HTR7: variants seen among roughly 807,000 people sequenced by gnomAD.
HTR7 encodes 5-HT-7.
Under a neutral mutation model 34.0 loss-of-function variants are expected in HTR7, and 16 were observed. That is an observed-to-expected ratio of 0.47 (90% CI 0.32 to 0.71). The LOEUF (loss-of-function observed/expected upper bound fraction) is 0.71, where lower values mean the gene tolerates loss of function less well. HTR7 is among the 30% of genes least tolerant of loss of function. The pLI is 0.04. For synonymous variants in HTR7, 265 were observed against 260.2 expected (o/e 1.02, Z -0.18); for missense variants, 504 against 625.5 (o/e 0.81, Z 2.07).
At chr10:90,807,663 A>G (rs1167278153) in intron 1 of HTR7, among the ~76,000 whole-genome samples, 1 of 152,110 alleles carries the variant, frequency 6.6e-6, no homozygotes, top group Admixed American at 6.5e-5. Flanking sequence ...CTCAGCCCGC[A>G]GGCACCCAGG....
At chr10:90,796,246 C>T (rs1000143471) in intron 1 of HTR7, among the ~76,000 whole-genome samples, 1 of 152,024 alleles carries the variant, frequency 6.6e-6, no homozygotes, top group Non-Finnish European at 1.5e-5. Flanking sequence ...GGCTGACAAG[C>T]AATAAATAGA....
intron 2 of HTR7, among the ~76,000 whole-genome samples, chr10:90,747,521 T>C (rs1186259886): frequency 2.0e-5 from 3 of 152,208 alleles, no homozygotes; most frequent in Non-Finnish European, 4.4e-5. Flanking sequence ...TTAGCATAGC[T>C]GTAGTCTTCC....
intron 1 of HTR7, among the ~76,000 whole-genome samples, chr10:90,818,260 T>C (rs1845926843): frequency 6.6e-6 from 1 of 152,208 alleles, no homozygotes; most frequent in Non-Finnish European, 1.5e-5. Context: ...GTGGTCTTGA[T>C]ATAAAAGTGA....
intron 1 of HTR7, among the ~76,000 whole-genome samples, chr10:90,839,719 G>A (rs1354516586): frequency 6.6e-6 from 1 of 151,940 alleles, no homozygotes; most frequent in African/African-American, 2.4e-5. Context: ...ATTTTGCAGG[G>A]GTCCTTAAGA....
At chr10:90,840,162 TTC>T (rs753030195) in intron 1 of HTR7, among the ~76,000 whole-genome samples, 46 of 138,824 alleles carry the variant, frequency 3.3e-4, no homozygotes, top group African/African-American at 1.0e-3. Context: ...CTCCATCTGT[TTC>T]TCTCTCTCTC....
intron 1 of HTR7, among the ~76,000 whole-genome samples, chr10:90,761,089 ACTTT>A (rs1180249499): frequency 4.6e-5 from 7 of 152,090 alleles, no homozygotes; most frequent in African/African-American, 1.4e-4. Context: ...TAATCAATCA[ACTTT>A]CTATCTACCT....
chr10:90,790,035 T>C (rs993745823), intron 1 of HTR7, among the ~76,000 whole-genome samples: 1 of 152,206 alleles, frequency 6.6e-6, no homozygotes, highest in Non-Finnish European at 1.5e-5. Flanking sequence ...CTGGAAACTT[T>C]CATATACATC....
At chr10:90,809,045 C>G (rs1005449661) in intron 1 of HTR7, among the ~76,000 whole-genome samples, 1 of 152,114 alleles carries the variant, frequency 6.6e-6, no homozygotes, top group Non-Finnish European at 1.5e-5. Context: ...CCCCTCAGTC[C>G]CAACCCCAAG....
rs532632639 is a variant in HTR7 at position 90,857,437 on chromosome 10, C to T, written c.235G>A (p.Val79Ile). 8.2e-5 allele frequency: 132 copies of T among 1,614,078 alleles called. 3 individuals carry two copies. In the South Asian group the frequency reaches 1.4e-3, roughly 17 times the overall value. ...ATGGAGCCGATCACAACTTTCTCGA[C>T]TCTGCCGTAGTTGATCTGTTCCCCA... is the stretch of plus-strand genomic sequence containing the variant. ...GCGEQINYGR[V>I]EKVVIGSILT... Residue 79 changes from valine to isoleucine, a missense_variant, in exon 1 of 4, where the codon GTC becomes ATC. By Grantham distance (29) the Val-to-Ile change is conservative. Around this residue, in one of 4 missense-constraint regions of HTR7, gnomAD observed 139 missense variants for 117.1 expected, o/e 1.19. Coordinates refer to ENST00000336152, the MANE Select transcript of HTR7 (RefSeq NM_019859.4). This position sits in a 1 kb window ranked among gnomAD's most constrained non-coding sequence, Gnocchi z 6.5.
At chr10:90,753,548 TTGC>T (rs1844777715) in intron 1 of HTR7, among the ~76,000 whole-genome samples, 1 of 152,190 alleles carries the variant, frequency 6.6e-6, no homozygotes. Flanking sequence ...TTCTATTACG[TTGC>T]TATTGGGAAT....
intron 1 of HTR7, among the ~76,000 whole-genome samples, chr10:90,815,386 T>C (rs542988635): frequency 6.6e-6 from 1 of 152,282 alleles, no homozygotes; most frequent in East Asian, 1.9e-4. Flanking sequence ...GTTGGAATGT[T>C]TAAACAGGCA....
chr10:90,777,348 G>A (rs1283681601), intron 1 of HTR7, among the ~76,000 whole-genome samples: 1 of 152,026 alleles, frequency 6.6e-6, no homozygotes, highest in Non-Finnish European at 1.5e-5. Flanking sequence ...GGGTGTGGTG[G>A]TGGGCGCCTG....
chr10:90,758,988 G>A (rs998142040), intron 1 of HTR7, among the ~76,000 whole-genome samples: 1 of 151,776 alleles, frequency 6.6e-6, no homozygotes, highest in South Asian at 2.1e-4. Flanking sequence ...GGGAGTTGGA[G>A]ACCAGCCTGA....
intron 1 of HTR7, among the ~76,000 whole-genome samples, chr10:90,826,990 C>A (rs193299880): frequency 2.0e-4 from 31 of 151,398 alleles, no homozygotes; most frequent in African/African-American, 7.5e-4. Flanking sequence ...AAATACTGGG[C>A]TATAAATTAT....
At chr10:90,776,457 A>G (rs1845212412) in intron 1 of HTR7, among the ~76,000 whole-genome samples, 2 of 152,216 alleles carry the variant, frequency 1.3e-5, no homozygotes, top group Non-Finnish European at 2.9e-5. Context: ...GGTAATCTTT[A>G]TATCCTTTAA....
chr10:90,749,338 C>A lies in HTR7; in HGVS notation c.796G>T (p.Ala266Ser), dbSNP rs1844696110. 6.2e-7 allele frequency: 1 copy of A among 1,614,192 alleles called. No individual in the cohort carries two copies. Among genetic ancestry groups the A allele is most frequent in the East Asian group, 2.2e-5 (1 of 44,878 alleles). The change falls in exon 2 of 4, where the codon GCC becomes TCC. Residue 266 changes from alanine (A) to serine (S), a missense_variant. By Grantham distance (99) the Ala-to-Ser change is moderately conservative. This residue lies in a region of HTR7 where 154 missense variants were observed against 248.8 expected (regional missense o/e 0.62). Coordinates refer to ENST00000336152, the MANE Select transcript of HTR7 (RefSeq NM_019859.4). This position sits in a 1 kb window ranked among gnomAD's most constrained non-coding sequence, Gnocchi z 4.2. ...LFMYYQIYKA[A>S]RKSAAKHKFP... ...TTGTGTTTGGCAGCACTCTTCCTGGCAGCCTTGTAAATCTGGTAGTACATG... is the reference window on the plus strand; with the variant it reads ...TTGTGTTTGGCAGCACTCTTCCTGGAAGCCTTGTAAATCTGGTAGTACATG...
intron 1 of HTR7, among the ~76,000 whole-genome samples, chr10:90,843,156 T>C (rs1311830495): frequency 6.6e-6 from 1 of 151,980 alleles, no homozygotes; most frequent in African/African-American, 2.4e-5. Flanking sequence ...TCCTACTTCC[T>C]TCCCTCCTTT....
rs118173449 is a variant in HTR7, at chr10:90,804,473, G to C, written c.539+52660C>G. On this transcript the variant is annotated intron_variant, in intron 1 of 3. Transcript: ENST00000336152. Reference sequence around the variant, plus strand: ...CTAGAATGTGCCATGGGCTGGTACGGGTTCATTCCTGCCAGCGCCTAAAGG... The same window carrying C: ...CTAGAATGTGCCATGGGCTGGTACGCGTTCATTCCTGCCAGCGCCTAAAGG... Among the ~76,000 whole-genome samples the C allele has an allele frequency of 7.6e-3, 1,157 of 152,270 alleles. 8 individuals carry two copies. Among genetic ancestry groups the C allele is most frequent in the Admixed American group, 9.5e-3 (146 of 15,298 alleles).
chr10:90,837,796 C>T (rs746492482), intron 1 of HTR7, among the ~76,000 whole-genome samples: 2 of 152,050 alleles, frequency 1.3e-5, no homozygotes, highest in Non-Finnish European at 2.9e-5. Context: ...TTCTAGCTGC[C>T]ATCTCTCCTT....
Sources: allele counts gnomAD v4.1 joint callset (sites outside exome capture counted in the v4.1 genomes callset), GRCh38; gene constraint gnomAD v4.1.1; regional missense constraint gnomAD v4.1.1; non-coding constraint Gnocchi (gnomAD v3.1); transcripts MANE v1.5; gene names NCBI Gene and HGNC (gene_info 2026-07-23, HGNC 2026-07-21).